The following FOXP1 variants were observed in gnomAD, a reference collection of about 807,000 sequenced individuals.
FOXP1 encodes forkhead box protein P1.
Under a neutral mutation model 98.2 loss-of-function variants are expected in FOXP1, and 15 were observed. That is an observed-to-expected ratio of 0.15 (90% CI 0.10 to 0.24). The LOEUF (loss-of-function observed/expected upper bound fraction) is 0.24. Ranked by LOEUF, FOXP1 falls within the 10% of genes least tolerant of loss-of-function variation. The pLI is 1.00. For missense variants in FOXP1, 633 were observed against 848.5 expected, an observed-to-expected ratio of 0.75 and a Z score of 3.15; for synonymous variants, 371 against 314.5, an observed-to-expected ratio of 1.18 and a Z score of -1.90.
In FOXP1 at chr3:71,076,408, T is replaced by A. The variant is rs115943248; in HGVS notation, c.283-22635A>T. Among the ~76,000 whole-genome samples the A allele has an allele frequency of 4.6e-3, 704 of 152,278 alleles. 7 individuals are homozygous for A. Among genetic ancestry groups the A allele is most frequent in the African/African-American group, 0.017 (686 of 41,542 alleles). ...CATCAGAAAAGAAGGGCTCCTACCTTGGCCTCAGGGGGAAAAGGGAACTTG... is the reference window on the plus strand; with the variant it reads ...CATCAGAAAAGAAGGGCTCCTACCTAGGCCTCAGGGGGAAAAGGGAACTTG... On this transcript the variant is annotated intron_variant, in intron 7 of 20. Coordinates refer to ENST00000649528, the MANE Select transcript of FOXP1 (RefSeq NM_001349338.3).
At chr3:71,544,950 A>G (rs2045238616) in intron 2 of FOXP1, among the ~76,000 whole-genome samples, 2 of 152,336 alleles carry the variant, frequency 1.3e-5, no homozygotes, top group South Asian at 4.1e-4. Context: ...AGAGACATAA[A>G]AAAATGTTAA....
chr3:71,199,192 C>A (rs1219117479), intron 5 of FOXP1, among the ~76,000 whole-genome samples: 2 of 151,518 alleles, frequency 1.3e-5, no homozygotes, highest in African/African-American at 4.9e-5. Flanking sequence ...ACTGCCTCCG[C>A]CTCCCGGGCT....
chr3:71,070,952 C>G (rs566963240), intron 7 of FOXP1, among the ~76,000 whole-genome samples: 1 of 152,256 alleles, frequency 6.6e-6, no homozygotes, highest in Admixed American at 6.5e-5. Flanking sequence ...AATCTTACAC[C>G]GGGGAAGCCG....
intron 3 of FOXP1, among the ~76,000 whole-genome samples, chr3:71,376,533 T>A (rs1329739508): frequency 6.6e-6 from 1 of 152,236 alleles, no homozygotes; most frequent in Admixed American, 6.5e-5. Flanking sequence ...TGGTTTCAAA[T>A]TCTGGCTTAT....
chr3:71,533,241 G>C (rs1254813688), intron 2 of FOXP1, among the ~76,000 whole-genome samples: 1 of 152,124 alleles, frequency 6.6e-6, no homozygotes, highest in East Asian at 1.9e-4. Flanking sequence ...AAGTGCACAG[G>C]CCCACTTATG....
intron 6 of FOXP1, among the ~76,000 whole-genome samples, chr3:71,181,674 A>T (rs2108283112): frequency 6.6e-6 from 1 of 152,288 alleles, no homozygotes. Context: ...TGGACATGCG[A>T]CATGATTAAG....
chr3:71,087,358 A>G (rs2055236272), intron 7 of FOXP1, among the ~76,000 whole-genome samples: 1 of 152,220 alleles, frequency 6.6e-6, no homozygotes, highest in Non-Finnish European at 1.5e-5. Flanking sequence ...TTGATCAAAC[A>G]ACGACAACAA....
At chr3:71,177,840 CTTTTTTTTT>C (rs397704711) in intron 6 of FOXP1, among the ~76,000 whole-genome samples, 4 of 114,942 alleles carry the variant, frequency 3.5e-5, no homozygotes, top group Admixed American at 1.0e-4. Context: ...TTCTTTCTTT[CTTTTTTTTT>C]TTTTTTTTTT....
intron 6 of FOXP1, among the ~76,000 whole-genome samples, chr3:71,145,667 G>C (rs2060275689): frequency 6.6e-6 from 1 of 152,312 alleles, no homozygotes; most frequent in Admixed American, 6.5e-5. Context: ...CCCTCACTTA[G>C]AATTACCAGT....
intron 18 of FOXP1, 40 bp downstream of exon 18, chr3:70,972,515 A>G (rs761541859): frequency 1.2e-6 from 2 of 1,613,862 alleles, no homozygotes; most frequent in South Asian, 1.1e-5. Context: ...TGTTAGCACA[A>G]TCCAAGCTAG....
At chr3:71,213,557 C>T (rs1443603951) in intron 5 of FOXP1, among the ~76,000 whole-genome samples, 1 of 152,210 alleles carries the variant, frequency 6.6e-6, no homozygotes, top group Non-Finnish European at 1.5e-5. Context: ...TGGCTCACGC[C>T]TGTAATCCCA....
intron 5 of FOXP1, among the ~76,000 whole-genome samples, chr3:71,265,012 T>C (rs951889702): frequency 3.3e-5 from 5 of 152,204 alleles, no homozygotes; most frequent in Non-Finnish European, 7.3e-5. Flanking sequence ...CATCTGATTC[T>C]AGAGTGTGCA....
chr3:71,032,140 C>T (rs1271283118), intron 11 of FOXP1, among the ~76,000 whole-genome samples: 4 of 152,238 alleles, frequency 2.6e-5, no homozygotes, highest in East Asian at 1.9e-4. Context: ...ACCCGCCCGG[C>T]GCAGCCCCGA....
chr3:71,287,583 C>G (rs1362523788), intron 5 of FOXP1, among the ~76,000 whole-genome samples: 2 of 152,016 alleles, frequency 1.3e-5, no homozygotes, highest in Non-Finnish European at 2.9e-5. Flanking sequence ...AGTTTGAGAC[C>G]AGCCTGACAA....
chr3:71,104,826 T>TG (rs2057292706), intron 7 of FOXP1, among the ~76,000 whole-genome samples: 1 of 152,044 alleles, frequency 6.6e-6, no homozygotes, highest in Admixed American at 6.5e-5. Context: ...ACCTGACTGT[T>TG]GTGCTGACTG....
rs956663352 is a variant in FOXP1, at chr3:71,583,647, G to C, written c.-523C>G. The C allele has an allele frequency of 1.0e-6, 1 of 984,062 alleles. No individual in the cohort carries two copies. Among genetic ancestry groups the C allele is most frequent in the African/African-American group, 1.8e-5 (1 of 56,906 alleles). 61.0% of individuals were successfully genotyped at this position (984,062 alleles called of 1,614,324 possible). On this transcript the variant is annotated 5_prime_UTR_variant, in exon 1 of 21. Coordinates refer to ENST00000649528, the MANE Select transcript of FOXP1 (RefSeq NM_001349338.3). ...CGCGCGCGCCCACTCCCGCCCGCGC[G>C]CGCACCCCGCGCACACACTCACTCG...
chr3:71,027,964 A>AT (rs1420084414), intron 11 of FOXP1, among the ~76,000 whole-genome samples: 16 of 152,150 alleles, frequency 1.1e-4, no homozygotes, highest in African/African-American at 3.9e-4. Context: ...GGAGACAGTG[A>AT]TAACTGAACA....
chr3:71,041,373 G>C lies in FOXP1; in HGVS notation c.824C>G (p.Ala275Gly). The C allele has an allele frequency of 6.2e-7, 1 of 1,613,738 alleles. No individual in the cohort carries two copies. The highest frequency in any genetic ancestry group is 8.5e-7 in the Non-Finnish European group (1 of 1,179,788). ...SKTSLIMNPHASTNGQLSVHT... is the reference protein window; with the variant it reads ...SKTSLIMNPHGSTNGQLSVHT... ...GACTGAGAGCTGTCCATTGGTAGAGGCATGTGGGTTCATTATTAAGGAGGT... is the reference window on the plus strand; with the variant it reads ...GACTGAGAGCTGTCCATTGGTAGAGCCATGTGGGTTCATTATTAAGGAGGT... The change falls in exon 11 of 21, where the codon GCC becomes GGC. Residue 275 changes from alanine to glycine, a missense_variant. Around this residue, in one of 6 missense-constraint regions of FOXP1, gnomAD observed 210 missense variants for 270.6 expected, o/e 0.78. Transcript: ENST00000649528.
intron 6 of FOXP1, among the ~76,000 whole-genome samples, chr3:71,135,015 T>G (rs1329079587): frequency 1.3e-5 from 2 of 152,026 alleles, no homozygotes; most frequent in Non-Finnish European, 2.9e-5. Context: ...TCCCAGCACT[T>G]TGGGAGGCCG....
Sources: gnomAD v4.1 joint callset for allele counts (sites outside exome capture counted in the v4.1 genomes callset) on GRCh38, gnomAD v4.1.1 for gene constraint, gnomAD v4.1.1 regional missense constraint, MANE v1.5 for transcripts, NCBI Gene and HGNC (gene_info 2026-07-23, HGNC 2026-07-21) for gene names.